Variants in GCG observed in about 807,000 individuals in gnomAD.
GCG encodes pro-glucagon.
GCG carries 11 observed loss-of-function variants against 22.8 expected under a neutral mutation model. That is an observed-to-expected ratio of 0.48 (90% CI 0.30 to 0.80). The LOEUF is 0.80. Ranked by LOEUF, GCG falls within the 30% of genes least tolerant of loss-of-function variation. GCG has a pLI of 0.06. For synonymous variants in GCG, 89 were observed against 72.4 expected (o/e 1.23, Z -1.16); for missense variants, 222 against 222.0 (o/e 1.00, Z 0.00).
rs764019618 is a variant in GCG at position 162,144,049 on chromosome 2, T to C, written c.514A>G (p.Ile172Val). 3.1e-6 allele frequency: 5 copies of C among 1,613,218 alleles called. No homozygotes were observed. The highest frequency in any genetic ancestry group is 1.1e-5 in the South Asian group (1 of 91,050). Residue 172 changes from isoleucine (I) to valine (V), a missense_variant, in exon 5 of 6, where the codon ATT (isoleucine) becomes GTT (valine). Physicochemically the swap from Ile to Val is conservative, Grantham distance 29. Transcript: ENST00000418842. ...LAARDFINWL[I>V]QTKITDRK ...CACCTGTCAGTGATTTTGGTCTGAA[T>C]CAACCAGTTTATAAAGTCCCTGGCG...
At chr2:162,145,383 T>G in intron 4 of GCG, 157 bp downstream of exon 4, 1 of 624,648 alleles carries the variant, frequency 1.6e-6, no homozygotes, top group East Asian at 3.1e-5. Context: ...ACAAAATGGG[T>G]TTAACTTTTA....
chr2:162,149,430 T>C (rs1359535196), intron 1 of GCG, among the ~76,000 whole-genome samples: 1 of 152,178 alleles, frequency 6.6e-6, no homozygotes. Flanking sequence ...GCTTTTTCAT[T>C]AATGTAGGGA....
At chr2:162,143,968 A>G in intron 5 of GCG, 59 bp downstream of exon 5, 2 of 1,441,936 alleles carry the variant, frequency 1.4e-6, no homozygotes, top group South Asian at 2.3e-5. Flanking sequence ...TTGCAGCAGT[A>G]TGACAATCAG....
At chr2:162,150,183 G>C (rs1046477793) in intron 1 of GCG, among the ~76,000 whole-genome samples, 1 of 152,222 alleles carries the variant, frequency 6.6e-6, no homozygotes, top group African/African-American at 2.4e-5. Flanking sequence ...GAATGGGAAC[G>C]TCAAGTCCGT....
chr2:162,151,023 G>A lies in GCG; in HGVS notation c.-10+1135C>T, dbSNP rs560985397. Among the ~76,000 whole-genome samples the A allele has an allele frequency of 1.2e-3, 179 of 151,740 alleles. 1 individual carries two copies. The highest frequency in any genetic ancestry group is 4.1e-3 in the African/African-American group (171 of 41,424). ...GTCTATCGAATTGTGAAAAAAAAAAGAATAGAGTTAATTGTTTGAATACAA... is the reference window on the plus strand; with the variant it reads ...GTCTATCGAATTGTGAAAAAAAAAAAAATAGAGTTAATTGTTTGAATACAA... On this transcript the variant is annotated intron_variant, in intron 1 of 5. Coordinates refer to ENST00000418842, the MANE Select transcript of GCG (RefSeq NM_002054.5).
Position 162,149,159 on chromosome 2 carries a change from A to G in GCG, c.20T>C (p.Val7Ala), listed in dbSNP as rs941328194. 6.2e-7 allele frequency: 1 copy of G among 1,612,110 alleles called. No homozygotes were observed. The highest frequency in any genetic ancestry group is 1.7e-4 in the Middle Eastern group (1 of 6,050). ...TACCAGCATTACAAATAATCCAGCCACAAAGTAAATGCTTTTCATTTCTGC... is the reference window on the plus strand; with the variant it reads ...TACCAGCATTACAAATAATCCAGCCGCAAAGTAAATGCTTTTCATTTCTGC... MKSIYF[V>A]AGLFVMLVQG... The change falls in exon 2 of 6, where the codon GTG (valine) becomes GCG (alanine). Residue 7 changes from valine to alanine, a missense_variant. Physicochemically the swap from Val to Ala is moderately conservative, Grantham distance 64 (BLOSUM62 0). Coordinates refer to ENST00000418842, the MANE Select transcript of GCG (RefSeq NM_002054.5).
chr2:162,147,698 T>C, intron 2 of GCG, 184 bp from the exon 3 acceptor site: 2 of 705,036 alleles, frequency 2.8e-6, no homozygotes, highest in Admixed American at 2.0e-5. Context: ...TTTAGTATAG[T>C]TGCATACGCT....
chr2:162,143,214 G>A lies in GCG; in HGVS notation c.*150C>T. 2.4e-6 allele frequency: 1 copy of A among 417,830 alleles called. No homozygotes were observed. Among genetic ancestry groups the A allele is most frequent in the Non-Finnish European group, 4.4e-6 (1 of 227,306 alleles). 25.9% of individuals were successfully genotyped at this position (417,830 alleles called of 1,614,324 possible). A position where few individuals can be genotyped will look rare whatever the true frequency, so the allele number is the denominator to read the frequency against. ...AACTTTATTCCATTTGTAATTTTTG[G>A]CTACACAACACTAAAAGAAAATTTA... is the stretch of plus-strand genomic sequence containing the variant. On this transcript the variant is annotated 3_prime_UTR_variant, in exon 6 of 6. Coordinates refer to ENST00000418842, the MANE Select transcript of GCG (RefSeq NM_002054.5).
intron 2 of GCG, 79 bp downstream of exon 2, chr2:162,149,008 C>G (rs141239775): frequency 4.9e-6 from 4 of 812,816 alleles, no homozygotes; most frequent in East Asian, 4.9e-5. Flanking sequence ...ATTACTGAGA[C>G]CTTATTCACT....
Position 162,143,248 on chromosome 2 carries a change from C to A in GCG, c.*116G>T. The A allele has an allele frequency of 2.2e-6, 1 of 449,270 alleles. No individual in the cohort carries two copies. The highest frequency in any genetic ancestry group is 8.3e-5 in the South Asian group (1 of 12,098). 27.8% of individuals were successfully genotyped at this position (449,270 alleles called of 1,614,324 possible). On this transcript the variant is annotated 3_prime_UTR_variant, in exon 6 of 6. Transcript: ENST00000418842. ...CACTAAAAGAAAATTTATTTATTGG[C>A]ATGCAAAGCAATGTGGCCTCAGAAT...
chr2:162,152,031 C>G (rs1316096923), intron 1 of GCG, 127 bp downstream of exon 1: 1 of 152,194 alleles, frequency 6.6e-6, no homozygotes, highest in Non-Finnish European at 1.5e-5. Context: ...CATCTCAGTT[C>G]CTCTCTGTGT....
At chr2:162,151,782 C>T (rs528014683) in intron 1 of GCG, among the ~76,000 whole-genome samples, 35 of 152,194 alleles carry the variant, frequency 2.3e-4, no homozygotes, top group African/African-American at 5.5e-4. Flanking sequence ...CTTTAAAAGA[C>T]GCCTTCTGTT....
intron 1 of GCG, among the ~76,000 whole-genome samples, chr2:162,150,116 G>A (rs539474246): frequency 1.9e-4 from 29 of 152,238 alleles, no homozygotes; most frequent in Admixed American, 1.8e-3. Flanking sequence ...GACGGGGACT[G>A]GGACCAACAT....
intron 2 of GCG, among the ~76,000 whole-genome samples, chr2:162,148,254 A>G (rs946541089): frequency 6.6e-6 from 1 of 152,142 alleles, no homozygotes; most frequent in Non-Finnish European, 1.5e-5. Context: ...GATATTAAAA[A>G]AGGTTTAAAC....
intron 2 of GCG, 74 bp downstream of exon 2, chr2:162,148,985 ATATTTATTCTAAATTACTGAGACCTTAT>A: frequency 1.4e-6 from 1 of 715,424 alleles, no homozygotes; most frequent in South Asian, 1.8e-5. Flanking sequence ...ATTGTGCAGA[ATATTTATTCTAAATTACTGAGACCTTAT>A]TCACTAATCA....
At chr2:162,150,794 C>T (rs1255038242) in intron 1 of GCG, among the ~76,000 whole-genome samples, 1 of 151,984 alleles carries the variant, frequency 6.6e-6, no homozygotes, top group African/African-American at 2.4e-5. Context: ...AAGTCCTAAG[C>T]GTTTTGCAAT....
At chr2:162,144,514 G>T (rs373576495) in intron 4 of GCG, 4 of 187,844 alleles carry the variant, frequency 2.1e-5, no homozygotes, top group South Asian at 2.5e-4. Flanking sequence ...TAAAACCAGA[G>T]CTTGCAGGAA....
chr2:162,148,433 C>A (rs1686749701), intron 2 of GCG, among the ~76,000 whole-genome samples: 1 of 151,926 alleles, frequency 6.6e-6, no homozygotes, highest in Non-Finnish European at 1.5e-5. Flanking sequence ...AAATATTGTA[C>A]ATTTATGAGA....
chr2:162,144,377 C>T (rs953909379), intron 4 of GCG: 20 of 540,592 alleles, frequency 3.7e-5, no homozygotes, highest in Non-Finnish European at 9.9e-6. Context: ...GGATCTAATA[C>T]CAAGCCTGCA....
Sources: gnomAD v4.1 joint callset for allele counts (sites outside exome capture counted in the v4.1 genomes callset) on GRCh38, gnomAD v4.1.1 for gene constraint, MANE v1.5 for transcripts, NCBI Gene and HGNC (gene_info 2026-07-23, HGNC 2026-07-21) for gene names.